TMEM135: variants seen among roughly 807,000 people sequenced by gnomAD.
TMEM135 encodes the protein peroxisomal membrane protein 52.
TMEM135 carries 30 observed loss-of-function variants against 60.3 expected under a neutral mutation model. That is an observed-to-expected ratio of 0.50 (90% CI 0.37 to 0.68). TMEM135 has a LOEUF of 0.68. TMEM135 is among the 30% of genes least tolerant of loss of function. TMEM135 has a pLI of 0.00. For missense variants in TMEM135, 468 were observed against 548.8 expected (o/e 0.85, Z 1.47); for synonymous variants, 190 against 186.7 (o/e 1.02, Z -0.14).
rs191005283 is a variant in TMEM135, at chr11:87,300,957, G to A, written c.552-1339G>A. On this transcript the variant is annotated intron_variant, in intron 7 of 14. Transcript: ENST00000305494. ...GTAAATGAAAGGTGTAAGAGAAACT[G>A]TTCTATCTGTTCTGGCATAGTTTTA... Among the ~76,000 whole-genome samples, 402 of 152,326 alleles carry A rather than the reference G, an allele frequency of 2.6e-3. 2 individuals carry two copies. The highest frequency in any genetic ancestry group is 8.9e-3 in the African/African-American group (370 of 41,576).
chr11:87,272,222 T>G (rs1941882199), intron 6 of TMEM135, among the ~76,000 whole-genome samples: 1 of 151,316 alleles, frequency 6.6e-6, no homozygotes, highest in Admixed American at 6.6e-5. Flanking sequence ...CCCAGCTGAT[T>G]TTCTTGTATT....
At chr11:87,124,315 T>TATGA (rs1385531823) in intron 4 of TMEM135, among the ~76,000 whole-genome samples, 2 of 152,232 alleles carry the variant, frequency 1.3e-5, no homozygotes, top group Non-Finnish European at 2.9e-5. Context: ...GGACCTTTTA[T>TATGA]ATGACACTGC....
chr11:87,318,042 T>C (rs1188079175), intron 12 of TMEM135, 95 bp from the exon 13 acceptor site: 2 of 921,764 alleles, frequency 2.2e-6, no homozygotes, highest in Non-Finnish European at 3.6e-6. Context: ...AGTATTAGGA[T>C]TCAGAAAGGT....
Position 87,325,965 on chromosome 11 carries a change from C to A in TMEM135, c.*4632C>A, listed in dbSNP as rs76114532. The A allele has an allele frequency of 0.037, 16,733 of 453,934 alleles. 399 individuals carry two copies. The highest frequency in any genetic ancestry group is 0.051 in the Admixed American group (2,150 of 42,532). 28.1% of individuals were successfully genotyped at this position (453,934 alleles called of 1,614,324 possible). A position where few individuals can be genotyped will look rare whatever the true frequency, so the allele number is the denominator to read the frequency against. On this transcript the variant is annotated 3_prime_UTR_variant, in exon 15 of 15. Transcript: ENST00000305494. Reference sequence around the variant, plus strand: ...GGTTTTATCTTTTGTCCCAGCAGACCTGAAAATCCCAGTATATTACCACAG... The same window carrying A: ...GGTTTTATCTTTTGTCCCAGCAGACATGAAAATCCCAGTATATTACCACAG...
chr11:87,232,961 G>A (rs991386723), intron 5 of TMEM135, among the ~76,000 whole-genome samples: 4 of 152,138 alleles, frequency 2.6e-5, no homozygotes, highest in Non-Finnish European at 5.9e-5. Context: ...GACCAGCCTG[G>A]CTGACATGGT....
intron 1 of TMEM135, among the ~76,000 whole-genome samples, chr11:87,067,070 G>A (rs1173397671): frequency 7.3e-5 from 11 of 149,848 alleles, no homozygotes; most frequent in Admixed American, 4.6e-4. Context: ...GTGAGCCACC[G>A]CGCCCGGCCT....
chr11:87,236,541 T>C, intron 5 of TMEM135, 97 bp from the exon 6 acceptor site: 1 of 1,006,262 alleles, frequency 9.9e-7, no homozygotes, highest in Non-Finnish European at 1.6e-6. Flanking sequence ...CTTTTATTGT[T>C]TCAGGCACAA....
chr11:87,138,360 G>A (rs1938165742), intron 4 of TMEM135, among the ~76,000 whole-genome samples: 1 of 152,042 alleles, frequency 6.6e-6, no homozygotes, highest in African/African-American at 2.4e-5. Flanking sequence ...CAAAGCGCTG[G>A]GATTACAGGT....
At chr11:87,194,842 T>C (rs1432990751) in intron 5 of TMEM135, among the ~76,000 whole-genome samples, 1 of 152,158 alleles carries the variant, frequency 6.6e-6, no homozygotes, top group Admixed American at 6.5e-5. Context: ...AAATTATAGG[T>C]ATCTTGCTAA....
intron 5 of TMEM135, among the ~76,000 whole-genome samples, chr11:87,223,331 AT>A (rs377062541): frequency 0.15 from 21,235 of 145,970 alleles, 1,903 homozygotes; most frequent in African/African-American, 0.26. Flanking sequence ...TGCCCAGCTA[AT>A]TTTTTTTTTT....
chr11:87,038,615 T>C (rs1196222519), intron 1 of TMEM135, among the ~76,000 whole-genome samples: 7 of 149,024 alleles, frequency 4.7e-5, no homozygotes, highest in African/African-American at 1.7e-4. Context: ...TTTGCTTTTT[T>C]TTTTTTTTTT....
chr11:87,251,384 C>T (rs1158094065), intron 6 of TMEM135, among the ~76,000 whole-genome samples: 2 of 152,070 alleles, frequency 1.3e-5, no homozygotes, highest in African/African-American at 4.8e-5. Context: ...TTATAAATAC[C>T]TTGTTAAATT....
intron 7 of TMEM135, among the ~76,000 whole-genome samples, chr11:87,298,131 G>C (rs1942379330): frequency 1.3e-5 from 2 of 152,114 alleles, no homozygotes; most frequent in African/African-American, 4.8e-5. Flanking sequence ...TTTTATTGTA[G>C]ACGTATGCTG....
At chr11:87,195,353 CCT>C (rs1939916307) in intron 5 of TMEM135, among the ~76,000 whole-genome samples, 6 of 122,614 alleles carry the variant, frequency 4.9e-5, no homozygotes, top group African/African-American at 1.8e-4. Context: ...TTCCTTCCTT[CCT>C]TCCTTCCTTC....
chr11:87,058,908 A>G (rs1408226434), intron 1 of TMEM135, among the ~76,000 whole-genome samples: 1 of 151,346 alleles, frequency 6.6e-6, no homozygotes, highest in Non-Finnish European at 1.5e-5. Context: ...GCATGAGAAC[A>G]AGGTCTTATT....
intron 5 of TMEM135, among the ~76,000 whole-genome samples, chr11:87,161,437 A>G (rs1938875071): frequency 2.6e-5 from 4 of 152,172 alleles, no homozygotes; most frequent in Admixed American, 1.3e-4. Context: ...TTAAATTTAT[A>G]TATTTTAAAA....
intron 4 of TMEM135, among the ~76,000 whole-genome samples, chr11:87,135,778 C>T (rs1445490524): frequency 6.6e-6 from 1 of 151,894 alleles, no homozygotes; most frequent in Non-Finnish European, 1.5e-5. Context: ...GTATAAAAAG[C>T]CTTTGAGATA....
chr11:87,222,180 TCAAAAAA>T (rs1940637259), intron 5 of TMEM135, among the ~76,000 whole-genome samples: 1 of 13,882 alleles, frequency 7.2e-5, no homozygotes, highest in African/African-American at 2.0e-4. Flanking sequence ...AGACTCTGTC[TCAAAAAA>T]AAAAAAAAAA....
At chr11:87,130,413 C>A (rs1380877529) in intron 4 of TMEM135, among the ~76,000 whole-genome samples, 1 of 152,070 alleles carries the variant, frequency 6.6e-6, no homozygotes, top group Non-Finnish European at 1.5e-5. Flanking sequence ...TTAGGACATA[C>A]CTCTTTGAAA....
Sources: gnomAD v4.1 joint callset for allele counts (sites outside exome capture counted in the v4.1 genomes callset) on GRCh38, gnomAD v4.1.1 for gene constraint, MANE v1.5 for transcripts, NCBI Gene and HGNC (gene_info 2026-07-23, HGNC 2026-07-21) for gene names.